The following EFL1 variants were observed in gnomAD, a reference collection of about 807,000 sequenced individuals.
EFL1 encodes elongation factor-like GTPase 1.
Under a neutral mutation model 126.7 loss-of-function variants are expected in EFL1, and 76 were observed. The observed-to-expected ratio is 0.60, with a 90% CI of 0.50 to 0.73. EFL1 has a LOEUF of 0.73. Ranked by LOEUF, EFL1 falls within the 30% of genes least tolerant of loss-of-function variation. The pLI, the probability that EFL1 is intolerant of heterozygous loss-of-function variation, is 0.00. For synonymous variants in EFL1, 410 were observed against 448.4 expected (o/e 0.91, Z 1.08); for missense variants, 1,128 against 1,343.2 (o/e 0.84, Z 2.50).
chr15:82,134,645 C>T (rs1169950252), intron 19 of EFL1, among the ~76,000 whole-genome samples: 1 of 152,214 alleles, frequency 6.6e-6, no homozygotes, highest in African/African-American at 2.4e-5. Flanking sequence ...CTATTGTAAT[C>T]ACTTCACCCG....
At chr15:82,164,545 G>A (rs2074057796) in intron 15 of EFL1, among the ~76,000 whole-genome samples, 1 of 152,118 alleles carries the variant, frequency 6.6e-6, no homozygotes, top group African/African-American at 2.4e-5. Flanking sequence ...GATTGCATGA[G>A]ACTCTGAAGG....
rs760865397 is a variant in EFL1 at position 82,228,247 on chromosome 15, T to C, written c.1013A>G (p.Lys338Arg). ...ACTGCAAATGGCGTTGATCTGAACT[T>C]TAGGGTCTGAATGTCGTGCCTCCCG... ...GAREARHSDPKVQINAICSQW... is the reference protein window; with the variant it reads ...GAREARHSDPRVQINAICSQW... The change falls in exon 10 of 20, where the codon AAA (lysine) becomes AGA (arginine). Residue 338 changes from lysine to arginine, a missense_variant. Physicochemically the swap from Lys to Arg is conservative, Grantham distance 26. This residue lies in a region of EFL1 where 316 missense variants were observed against 318.5 expected (regional missense o/e 0.99). Coordinates refer to ENST00000268206, the MANE Select transcript of EFL1 (RefSeq NM_024580.6). 6.2e-7 allele frequency: 1 copy of C among 1,613,956 alleles called. No individual in the cohort carries two copies. The highest frequency in any genetic ancestry group is 1.3e-5 in the African/African-American group (1 of 74,924).
chr15:82,144,726 G>A (rs946715507), intron 18 of EFL1, among the ~76,000 whole-genome samples: 1 of 152,170 alleles, frequency 6.6e-6, no homozygotes, highest in African/African-American at 2.4e-5. Flanking sequence ...CTAGGCGGGT[G>A]GCTCATGCCT....
At position 82,219,814 on chromosome 15, in the gene EFL1, G is replaced by A. The variant is rs193170502; in HGVS notation, c.1449C>T (p.Asp483=). The A allele has an allele frequency of 3.3e-4, 534 of 1,600,524 alleles. 2 individuals are homozygous for A. The African/African-American group carries it at 5.3e-3, about 16-fold the overall frequency. The change falls in exon 14 of 20, where the codon GAC becomes GAT. Residue 483 remains aspartate, a synonymous_variant. Coordinates refer to ENST00000268206, the MANE Select transcript of EFL1 (RefSeq NM_024580.6). ...TCPKGEEPRG[D]EQQVESMTPK... The stretch of plus-strand genomic sequence containing the variant: ...GGGTCATACTTTCCACCTGTTGCTC[G>A]TCACCTGACAGAAACAAAAAGATAA...
rs1242152827 is a variant in EFL1, at chr15:82,240,510, C to T, written c.424G>A (p.Val142Ile). The change falls in exon 6 of 20, where the codon GTT becomes ATT. Residue 142 changes from valine (V) to isoleucine (I), a missense_variant. This residue lies in a region of EFL1 where 118 missense variants were observed against 188.1 expected (regional missense o/e 0.63). Transcript: ENST00000268206. ...CGATCAATCTTATTAATCACTAAAA[C>T]CGGACGGATGTTTTCAAGCCAAGCT... ...RQAWLENIRP[V>I]LVINKIDRLI... 3 of 1,614,090 alleles carry T rather than the reference C, an allele frequency of 1.9e-6. No homozygotes were observed. The highest frequency in any genetic ancestry group is 2.5e-6 in the Non-Finnish European group (3 of 1,180,012).
At chr15:82,196,894 T>A (rs575939932) in intron 15 of EFL1, among the ~76,000 whole-genome samples, 14 of 152,168 alleles carry the variant, frequency 9.2e-5, no homozygotes, top group Non-Finnish European at 1.5e-5. Context: ...TAGCCGGGCA[T>A]GGTGGTGGGT....
intron 18 of EFL1, among the ~76,000 whole-genome samples, chr15:82,141,872 T>C (rs920070660): frequency 2.0e-5 from 3 of 152,154 alleles, no homozygotes; most frequent in Non-Finnish European, 2.9e-5. Flanking sequence ...AGATCAATAA[T>C]TGTAATTGAA....
chr15:82,203,289 CTGTT>C (rs1482425052), intron 15 of EFL1, among the ~76,000 whole-genome samples: 1 of 152,146 alleles, frequency 6.6e-6, no homozygotes, highest in Non-Finnish European at 1.5e-5. Context: ...CTTGTACTTA[CTGTT>C]TATTTCTCTG....
intron 15 of EFL1, among the ~76,000 whole-genome samples, chr15:82,206,311 T>A (rs2074524450): frequency 6.6e-6 from 1 of 152,094 alleles, no homozygotes; most frequent in Non-Finnish European, 1.5e-5. Flanking sequence ...AGAATTGTAG[T>A]ATATAAAGAA....
intron 15 of EFL1, among the ~76,000 whole-genome samples, chr15:82,167,445 AT>A (rs773606306): frequency 6.6e-6 from 1 of 151,826 alleles, no homozygotes; most frequent in African/African-American, 2.4e-5. Flanking sequence ...GTTGAGCCAA[AT>A]TTTTTTTTCT....
intron 16 of EFL1, 134 bp from the exon 17 acceptor site, chr15:82,157,994 A>T: frequency 9.3e-7 from 1 of 1,069,928 alleles, no homozygotes; most frequent in Non-Finnish European, 1.3e-6. Flanking sequence ...TCTTCCAGAT[A>T]GTGTAGTGAT....
chr15:82,134,549 G>T (rs914799608), intron 19 of EFL1, among the ~76,000 whole-genome samples: 14 of 152,208 alleles, frequency 9.2e-5, no homozygotes, highest in Non-Finnish European at 1.9e-4. Context: ...AGCTCTGGGT[G>T]CTCCATTTCA....
intron 16 of EFL1, among the ~76,000 whole-genome samples, chr15:82,161,370 C>G (rs1252148550): frequency 6.6e-6 from 1 of 152,130 alleles, no homozygotes; most frequent in Non-Finnish European, 1.5e-5. Context: ...GCATAAGTTA[C>G]TAGGGCAAAG....
chr15:82,168,673 C>T (rs192674638), intron 15 of EFL1, among the ~76,000 whole-genome samples: 33 of 152,228 alleles, frequency 2.2e-4, no homozygotes, highest in Admixed American at 1.2e-3. Flanking sequence ...CCACCACGCC[C>T]GGCTAATTTT....
chr15:82,214,744 C>T lies in EFL1; in HGVS notation c.1723G>A (p.Glu575Lys), dbSNP rs373987813. The T allele has an allele frequency of 4.4e-6, 7 of 1,594,610 alleles. No homozygotes were observed. The highest frequency in any genetic ancestry group is 6.0e-6 in the Non-Finnish European group (7 of 1,169,350). ...AGCACATTTCCTGGAGGTACCTCCT[C>T]TAGATATTCCAGTTCCCTTCCCATC... is the stretch of plus-strand genomic sequence containing the variant. The part of the protein sequence containing the change: ...LLMGRELEYL[E>K]EVPPGNVLGI... Residue 575 changes from glutamate to lysine, a missense_variant, in exon 15 of 20, where the codon GAG becomes AAG. Physicochemically the swap from Glu to Lys is moderately conservative, Grantham distance 56. This residue lies in a region of EFL1 where 3 missense variants were observed against 20.6 expected (regional missense o/e 0.15). Coordinates refer to ENST00000268206, the MANE Select transcript of EFL1 (RefSeq NM_024580.6).
chr15:82,256,488 A>G (rs1278645469), intron 3 of EFL1, among the ~76,000 whole-genome samples: 3 of 152,196 alleles, frequency 2.0e-5, no homozygotes, highest in Admixed American at 2.0e-4. Context: ...CACTGCAACT[A>G]GAACCTCCAG....
chr15:82,236,663 T>C (rs2074875708), intron 7 of EFL1, among the ~76,000 whole-genome samples: 1 of 152,164 alleles, frequency 6.6e-6, no homozygotes, highest in Admixed American at 6.5e-5. Context: ...CCTCACACTT[T>C]ATACAAAAAT....
At chr15:82,180,300 G>A (rs181540390) in intron 15 of EFL1, among the ~76,000 whole-genome samples, 1 of 147,964 alleles carries the variant, frequency 6.8e-6, no homozygotes, top group Non-Finnish European at 1.5e-5. Flanking sequence ...TGTTGAATGA[G>A]TGAACCCAAT....
intron 15 of EFL1, among the ~76,000 whole-genome samples, chr15:82,166,333 T>C (rs1470729612): frequency 1.3e-5 from 2 of 152,228 alleles, no homozygotes; most frequent in East Asian, 1.9e-4. Flanking sequence ...TATTTAGATA[T>C]GCCCAGATTT....
Sources: allele counts gnomAD v4.1 joint callset (sites outside exome capture counted in the v4.1 genomes callset), GRCh38; gene constraint gnomAD v4.1.1; regional missense constraint gnomAD v4.1.1; transcripts MANE v1.5; gene names NCBI Gene and HGNC (gene_info 2026-07-23, HGNC 2026-07-21).